PAQR5: variants seen among roughly 807,000 people sequenced by gnomAD.
PAQR5 encodes progestin and adipoQ receptor family member 5, also known as membrane progestin receptor gamma.
In PAQR5, 20 loss-of-function variants were observed where a neutral mutation model predicts 34.5. That is an observed-to-expected ratio of 0.58 (90% CI 0.41 to 0.84). The LOEUF (loss-of-function observed/expected upper bound fraction) is 0.84. Among genes scored for constraint, PAQR5 ranks in the 40% least tolerant of loss-of-function variants. The pLI, the probability that PAQR5 is intolerant of heterozygous loss-of-function variation, is 0.00. For missense variants in PAQR5, 378 were observed against 412.7 expected (o/e 0.92, Z 0.73); for synonymous variants, 131 against 155.6 (o/e 0.84, Z 1.18).
At chr15:69,351,765 A>T (rs932959061) in intron 2 of PAQR5, among the ~76,000 whole-genome samples, 5 of 152,196 alleles carry the variant, frequency 3.3e-5, no homozygotes, top group Non-Finnish European at 5.9e-5. Context: ...GACAAAATTC[A>T]GGGGCCTTCT....
At chr15:69,311,950 C>A (rs754645597) in intron 1 of PAQR5, among the ~76,000 whole-genome samples, 4 of 152,126 alleles carry the variant, frequency 2.6e-5, no homozygotes, top group Non-Finnish European at 5.9e-5. Context: ...AACTGCAGGC[C>A]CAGTGAGGCT....
At chr15:69,301,517 C>G (rs907356397) in intron 1 of PAQR5, among the ~76,000 whole-genome samples, 9 of 152,220 alleles carry the variant, frequency 5.9e-5, no homozygotes, top group Non-Finnish European at 1.2e-4. Context: ...TGTCTCCTCT[C>G]TCTCCTTACC....
Position 69,406,866 on chromosome 15 carries a change from C to G in PAQR5, c.*3044C>G, listed in dbSNP as rs1254630115. 6.8e-6 allele frequency: 1 copy of G among 147,614 alleles called. No homozygotes were observed. The highest frequency in any genetic ancestry group is 1.5e-5 in the Non-Finnish European group (1 of 67,542). 9.1% of individuals were successfully genotyped at this position (147,614 alleles called of 1,614,324 possible). Reference sequence around the variant, plus strand: ...GACTGGGCAACAGGGCAAGACCCTGCCTCAAAAAAAAAAAAAAAAGAATTT... The same window carrying G: ...GACTGGGCAACAGGGCAAGACCCTGGCTCAAAAAAAAAAAAAAAAGAATTT... On this transcript the variant is annotated 3_prime_UTR_variant, in exon 9 of 9. Transcript: ENST00000395407.
intron 3 of PAQR5, among the ~76,000 whole-genome samples, chr15:69,362,887 G>A (rs1351371832): frequency 5.3e-5 from 8 of 151,998 alleles, no homozygotes; most frequent in Non-Finnish European, 7.4e-5. Context: ...CTTCCACCAC[G>A]TCCCATCCAC....
chr15:69,364,813 A>G (rs1042754678), intron 3 of PAQR5, among the ~76,000 whole-genome samples: 29 of 151,506 alleles, frequency 1.9e-4, no homozygotes, highest in African/African-American at 6.8e-4. Flanking sequence ...ATCTCGGCTC[A>G]CTGCAACCTC....
chr15:69,376,720 T>A (rs983766400), intron 3 of PAQR5, among the ~76,000 whole-genome samples: 2 of 152,236 alleles, frequency 1.3e-5, no homozygotes, highest in East Asian at 3.8e-4. Flanking sequence ...CAGGTTTTTT[T>A]AATCTGGGCT....
intron 1 of PAQR5, among the ~76,000 whole-genome samples, chr15:69,313,113 A>G (rs2053867143): frequency 6.6e-6 from 1 of 152,210 alleles, no homozygotes; most frequent in South Asian, 2.1e-4. Flanking sequence ...CATGGATCTT[A>G]AACCTTTGTT....
At position 69,404,850 on chromosome 15, in the gene PAQR5, G is replaced by A; in HGVS notation, c.*1028G>A. On this transcript the variant is annotated 3_prime_UTR_variant, in exon 9 of 9. Coordinates refer to ENST00000395407, the MANE Select transcript of PAQR5 (RefSeq NM_017705.4). The stretch of plus-strand genomic sequence containing the variant: ...ATGCAGACTCCTAGGGAAAACCAGG[G>A]GGTTCTGCTTCACTAGGTTAAATGT... The A allele has an allele frequency of 2.5e-6, 1 of 397,976 alleles. No homozygotes were observed. Among genetic ancestry groups the A allele is most frequent in the Non-Finnish European group, 4.4e-6 (1 of 225,868 alleles). The allele number at this position is 397,976 out of a possible 1,614,324, so 24.7% of individuals were successfully genotyped here. A position where few individuals can be genotyped will look rare whatever the true frequency, so the allele number is the denominator to read the frequency against.
At chr15:69,403,480 T>C in intron 8 of PAQR5, 101 bp from the exon 9 acceptor site, 2 of 1,106,264 alleles carry the variant, frequency 1.8e-6, no homozygotes, top group Non-Finnish European at 2.6e-6. Context: ...TCCTGTCTGG[T>C]TTCTTTCACT....
intron 2 of PAQR5, among the ~76,000 whole-genome samples, chr15:69,351,818 A>G (rs1425484797): frequency 6.6e-6 from 1 of 152,182 alleles, no homozygotes; most frequent in Non-Finnish European, 1.5e-5. Context: ...TGGGTGGGGT[A>G]TCTTGAGATA....
At chr15:69,383,541 G>T (rs56049785) in intron 4 of PAQR5, among the ~76,000 whole-genome samples, 1 of 140,030 alleles carries the variant, frequency 7.1e-6, no homozygotes, top group African/African-American at 2.8e-5. Flanking sequence ...GAGGGTGAGC[G>T]GGCCCTCTGT....
chr15:69,347,911 C>T (rs2054817037), intron 2 of PAQR5, among the ~76,000 whole-genome samples: 1 of 152,232 alleles, frequency 6.6e-6, no homozygotes, highest in Admixed American at 6.5e-5. Flanking sequence ...TAAGCTTCAA[C>T]ATATGAATTT....
chr15:69,349,701 G>T (rs146516314), intron 2 of PAQR5, among the ~76,000 whole-genome samples: 31 of 151,262 alleles, frequency 2.0e-4, no homozygotes, highest in African/African-American at 7.3e-4. Flanking sequence ...GAGTGCAATC[G>T]CATGGTCTCA....
intron 6 of PAQR5, chr15:69,391,507 G>A (rs571443282): frequency 4.1e-5 from 15 of 361,508 alleles, no homozygotes; most frequent in South Asian, 3.0e-4. Context: ...ATATAGAACA[G>A]TAATAACCCT....
At position 69,384,970 on chromosome 15, in the gene PAQR5, G is replaced by A. The variant is rs992914896; in HGVS notation, c.385+88G>A. Reference sequence around the variant, plus strand: ...TGAGCTAGGGTCACCAGAAGGCTTTGATGAGTTTGCAGAAGAATCCAGGGA... The same window carrying A: ...TGAGCTAGGGTCACCAGAAGGCTTTAATGAGTTTGCAGAAGAATCCAGGGA... On this transcript the variant is annotated intron_variant, in intron 5 of 8. Transcript: ENST00000395407. The A allele has an allele frequency of 6.2e-6, 6 of 974,180 alleles. No homozygotes were observed. The African/African-American group carries it at 6.5e-5, about 11-fold the overall frequency. 60.3% of individuals were successfully genotyped at this position (974,180 alleles called of 1,614,324 possible).
At chr15:69,300,897 C>T (rs865774270) in intron 1 of PAQR5, among the ~76,000 whole-genome samples, 980 of 22,370 alleles carry the variant, frequency 0.044, 304 homozygotes, top group African/African-American at 0.089. Flanking sequence ...TTCTTTCTTC[C>T]TTCCTTCCTT....
intron 6 of PAQR5, among the ~76,000 whole-genome samples, chr15:69,392,521 T>C (rs1332588103): frequency 6.6e-6 from 1 of 152,182 alleles, no homozygotes; most frequent in African/African-American, 2.4e-5. Context: ...CCCACCCATC[T>C]AACATTCCTT....
chr15:69,306,825 G>A (rs2053728135), intron 1 of PAQR5, among the ~76,000 whole-genome samples: 1 of 152,088 alleles, frequency 6.6e-6, no homozygotes, highest in East Asian at 1.9e-4. Flanking sequence ...TCTGTACCCA[G>A]TAAACAATAA....
At chr15:69,341,519 G>A (rs1319883442) in intron 2 of PAQR5, among the ~76,000 whole-genome samples, 1 of 151,766 alleles carries the variant, frequency 6.6e-6, no homozygotes, top group African/African-American at 2.4e-5. Flanking sequence ...ATCACATTGG[G>A]CCTTTTATTC....
Sources: allele counts gnomAD v4.1 joint callset (sites outside exome capture counted in the v4.1 genomes callset), GRCh38; gene constraint gnomAD v4.1.1; transcripts MANE v1.5; gene names NCBI Gene and HGNC (gene_info 2026-07-23, HGNC 2026-07-21).